Variants in ALDH7A1 observed in about 807,000 individuals in gnomAD.
The protein encoded by ALDH7A1 is aldehyde dehydrogenase 7 family member A1, also known as alpha-aminoadipic semialdehyde dehydrogenase.
A neutral mutation model predicts 79.9 loss-of-function variants in ALDH7A1; 63 were observed. The observed-to-expected ratio is 0.79, with a 90% CI of 0.64 to 0.97. The LOEUF (loss-of-function observed/expected upper bound fraction) is 0.97. Ranked by LOEUF, ALDH7A1 falls within the 50% of genes least tolerant of loss-of-function variation. ALDH7A1 has a pLI of 0.00. For synonymous variants in ALDH7A1, 240 were observed against 231.2 expected (o/e 1.04, Z -0.34); for missense variants, 627 against 665.2 (o/e 0.94, Z 0.63).
intron 9 of ALDH7A1, among the ~76,000 whole-genome samples, chr5:126,566,370 T>C (rs1230000490): frequency 6.6e-6 from 1 of 152,238 alleles, no homozygotes; most frequent in African/African-American, 2.4e-5. Flanking sequence ...CTGGATTTCA[T>C]TTTTGGATTG....
intron 1 of ALDH7A1, 131 bp downstream of exon 1, chr5:126,594,876 T>A: frequency 2.3e-6 from 3 of 1,280,668 alleles, no homozygotes; most frequent in Non-Finnish European, 3.3e-6. Flanking sequence ...AGAAAACTTT[T>A]ACTGTGGAGC....
chr5:126,567,140 G>T (rs567724900), intron 9 of ALDH7A1, among the ~76,000 whole-genome samples: 51 of 152,110 alleles, frequency 3.4e-4, no homozygotes, highest in African/African-American at 1.2e-3. Context: ...TCCTTCCTTT[G>T]TTCTCCTCTA....
rs1345351927 is a variant in ALDH7A1, at chr5:126,595,052, C to T, written c.147G>A (p.Glu49=). ...YAWLKELGLR[E]ENEGVYNGSW... is the part of the protein sequence containing the mutation. ...TTCCATTATACACGCCCTCGTTTTC[C>T]TCGCGGAGCCCCAGCTCTTTCAGCC... The change falls in exon 1 of 18, where the codon GAG becomes GAA. Residue 49 remains glutamate, a synonymous_variant. Transcript: ENST00000409134. 1 of 1,609,912 alleles carries T rather than the reference C, an allele frequency of 6.2e-7. No homozygotes were observed. Among genetic ancestry groups the T allele is most frequent in the Non-Finnish European group, 8.5e-7 (1 of 1,178,378 alleles).
In ALDH7A1 at chr5:126,550,243, T is replaced by C; in HGVS notation, c.1368A>G (p.Ser456=). The change falls in exon 15 of 18, where the codon TCA becomes TCG. Residue 456 remains serine, a synonymous_variant. Coordinates refer to ENST00000409134, the MANE Select transcript of ALDH7A1 (RefSeq NM_001182.5). ...CCAGATCTTTGGTAAAGATGCTACT[T>C]GAAAGTCCCTGTTTTACTTCATTAT... ...AWNNEVKQGL[S]SSIFTKDLGR... 1 of 1,613,630 alleles carries C rather than the reference T, an allele frequency of 6.2e-7. No individual in the cohort carries two copies.
At chr5:126,581,893 G>A (rs112395943) in intron 5 of ALDH7A1, 3,309 of 295,842 alleles carry the variant, frequency 0.011, 30 homozygotes, top group Non-Finnish European at 0.016. Context: ...CAGAAGAATC[G>A]CTTGAACCCG....
chr5:126,581,924 G>C (rs1441892170), intron 5 of ALDH7A1: 1 of 336,916 alleles, frequency 3.0e-6, no homozygotes, highest in Non-Finnish European at 5.3e-6. Context: ...GTTGCAGTGA[G>C]CCAAGATCGC....
rs1235731175 is a variant in ALDH7A1 at position 126,542,229 on chromosome 5, C to T, written c.*2736G>A. 4.6e-5 allele frequency: 7 copies of T among 151,292 alleles called. No homozygotes were observed. Among genetic ancestry groups the T allele is most frequent in the Admixed American group, 3.3e-4 (5 of 15,170 alleles). The allele number at this position is 151,292 out of a possible 1,614,324, so 9.4% of individuals were successfully genotyped here. A position where few individuals can be genotyped will look rare whatever the true frequency, so the allele number is the denominator to read the frequency against. On this transcript the variant is annotated 3_prime_UTR_variant, in exon 18 of 18. Transcript: ENST00000409134. ...AAACTGAAAACACTTAAAAAGCATT[C>T]CAAATCAGCTTTCCAATCTGCAACC...
Position 126,544,827 on chromosome 5 carries a change from C to T in ALDH7A1, c.*138G>A. ...AAGGAATCTCTTGATTTAATCAGGGCTTTGGGGTCATAGGGGGATTAGTCA... is the reference window on the plus strand; with the variant it reads ...AAGGAATCTCTTGATTTAATCAGGGTTTTGGGGTCATAGGGGGATTAGTCA... On this transcript the variant is annotated 3_prime_UTR_variant, in exon 18 of 18. Transcript: ENST00000409134. The T allele has an allele frequency of 1.4e-6, 1 of 721,340 alleles. No homozygotes were observed. The highest frequency in any genetic ancestry group is 2.1e-5 in the Admixed American group (1 of 47,226). The allele number at this position is 721,340 out of a possible 1,614,324, so 44.7% of individuals were successfully genotyped here.
intron 5 of ALDH7A1, among the ~76,000 whole-genome samples, chr5:126,579,076 C>T (rs1477156063): frequency 1.3e-5 from 2 of 152,198 alleles, no homozygotes; most frequent in East Asian, 1.9e-4. Flanking sequence ...TTGCTTATAA[C>T]CCTGTGGATT....
intron 13 of ALDH7A1, 92 bp downstream of exon 13, chr5:126,554,195 G>A (rs1750097187): frequency 3.2e-6 from 3 of 931,314 alleles, no homozygotes; most frequent in Non-Finnish European, 3.6e-6. Context: ...TGTCAAATGG[G>A]GTGGCTTTTC....
At chr5:126,568,453 G>A in intron 8 of ALDH7A1, 97 bp from the exon 9 acceptor site, 1 of 1,012,074 alleles carries the variant, frequency 9.9e-7, no homozygotes, top group Admixed American at 1.7e-5. Context: ...TGAAAAAGCA[G>A]TCCCTTGAAG....
intron 10 of ALDH7A1, among the ~76,000 whole-genome samples, chr5:126,560,630 A>AT (rs139353384): frequency 0.2 from 30,888 of 152,074 alleles, 3,375 homozygotes; most frequent in African/African-American, 0.24. Flanking sequence ...TAGGTAAGTG[A>AT]TTTTTTTAAT....
At chr5:126,548,171 G>A (rs1301865556) in intron 16 of ALDH7A1, among the ~76,000 whole-genome samples, 4 of 152,044 alleles carry the variant, frequency 2.6e-5, no homozygotes, top group African/African-American at 4.8e-5. Context: ...TTAGAGACAG[G>A]GTCACACTCA....
chr5:126,595,217 G>C lies in ALDH7A1; in HGVS notation c.-19C>G, dbSNP rs1581409636. 7.7e-6 allele frequency: 12 copies of C among 1,551,716 alleles called. No individual in the cohort carries two copies. The highest frequency in any genetic ancestry group is 8.7e-6 in the Non-Finnish European group (10 of 1,147,012). ...GCCACATACTGAGCCCGGGACTCGG[G>C]ATGAGCCCAAGGCCCTGAGAGCTGC... On this transcript the variant is annotated 5_prime_UTR_variant, in exon 1 of 18. It adds an upstream start codon to the 5' untranslated region. Coordinates refer to ENST00000409134, the MANE Select transcript of ALDH7A1 (RefSeq NM_001182.5).
chr5:126,555,774 C>T (rs1750172556), intron 12 of ALDH7A1, among the ~76,000 whole-genome samples, 157 bp downstream of exon 12: 1 of 152,140 alleles, frequency 6.6e-6, no homozygotes, highest in African/African-American at 2.4e-5. Context: ...GGGTCGAAAC[C>T]TAGGAGCAGA....
At chr5:126,579,361 G>T (rs1359285895) in intron 5 of ALDH7A1, among the ~76,000 whole-genome samples, 1 of 152,148 alleles carries the variant, frequency 6.6e-6, no homozygotes, top group Non-Finnish European at 1.5e-5. Context: ...TTCCTGGACT[G>T]CACTCATGAG....
intron 11 of ALDH7A1, among the ~76,000 whole-genome samples, chr5:126,557,453 G>A (rs894175221): frequency 1.3e-5 from 2 of 151,940 alleles, no homozygotes; most frequent in African/African-American, 4.8e-5. Context: ...CAGGCACGGT[G>A]ATGGGTGCCT....
intron 3 of ALDH7A1, chr5:126,586,325 T>C (rs1751358465): frequency 6.6e-6 from 1 of 152,254 alleles, no homozygotes; most frequent in African/African-American, 2.4e-5. Context: ...GATGTTTCAA[T>C]TGAATTTAGT....
At chr5:126,576,083 A>G (rs2112793084) in intron 6 of ALDH7A1, among the ~76,000 whole-genome samples, 1 of 152,156 alleles carries the variant, frequency 6.6e-6, no homozygotes, top group South Asian at 2.1e-4. Context: ...AACACAGTGA[A>G]ACCCCTTCTC....
Sources: gnomAD v4.1 joint callset for allele counts (sites outside exome capture counted in the v4.1 genomes callset) on GRCh38, gnomAD v4.1.1 for gene constraint, MANE v1.5 for transcripts, NCBI Gene and HGNC (gene_info 2026-07-23, HGNC 2026-07-21) for gene names.